The following DPF3 variants were observed in gnomAD, a reference collection of about 807,000 sequenced individuals.
DPF3 encodes the protein double PHD fingers 3, also known as zinc finger protein DPF3.
A neutral mutation model predicts 56.8 loss-of-function variants in DPF3; 18 were observed. That is an observed-to-expected ratio of 0.32 (90% CI 0.22 to 0.47). DPF3 has a LOEUF of 0.47. DPF3 is among the 20% of genes least tolerant of loss of function. The pLI is 1.00. For synonymous variants in DPF3, 188 were observed against 180.2 expected (o/e 1.04, Z -0.35); for missense variants, 403 against 488.8 (o/e 0.82, Z 1.65).
intron 6 of DPF3, among the ~76,000 whole-genome samples, chr14:72,699,152 A>G (rs1216949041): frequency 6.6e-6 from 1 of 152,212 alleles, no homozygotes; most frequent in Non-Finnish European, 1.5e-5. Context: ...AGAGGTGCCT[A>G]CACAGGATAG....
chr14:72,717,565 G>A lies in DPF3; in HGVS notation c.526-3064C>T, dbSNP rs76317424. 8.8e-4 allele frequency among the ~76,000 whole-genome samples: 134 copies of A among 152,284 alleles called. 4 individuals are homozygous for A. In the East Asian group the frequency reaches 0.024, roughly 27 times the overall value. ...TAGCATCTTCTTCCCAGTTTGATTC[G>A]AAGGTCCTTGAGGGCAAAAATGGCA... On this transcript the variant is annotated intron_variant, in intron 5 of 10. Coordinates refer to ENST00000556509, the MANE Select transcript of DPF3 (RefSeq NM_001280542.3).
At chr14:72,768,941 G>C (rs1166649909) in intron 2 of DPF3, among the ~76,000 whole-genome samples, 1 of 134,328 alleles carries the variant, frequency 7.4e-6, no homozygotes, top group Non-Finnish European at 1.6e-5. Flanking sequence ...GTCTGTGTGT[G>C]TGTGTGTGTG....
At chr14:72,727,653 G>T (rs1043805684) in intron 4 of DPF3, among the ~76,000 whole-genome samples, 1 of 151,432 alleles carries the variant, frequency 6.6e-6, no homozygotes, top group Non-Finnish European at 1.5e-5. Flanking sequence ...TGTTCTCATG[G>T]ATTTTATCCT....
intron 8 of DPF3, among the ~76,000 whole-genome samples, chr14:72,654,422 A>C (rs1886009235): frequency 6.6e-6 from 1 of 152,032 alleles, no homozygotes; most frequent in Non-Finnish European, 1.5e-5. Context: ...CACATTTTGC[A>C]CCAAGTTGGC....
chr14:72,889,503 C>A (rs777209550), intron 1 of DPF3, among the ~76,000 whole-genome samples: 5 of 152,112 alleles, frequency 3.3e-5, no homozygotes, highest in Non-Finnish European at 7.3e-5. Flanking sequence ...CACAAAGTCC[C>A]GGCCTCAATG....
chr14:72,779,213 G>A (rs532761607), intron 1 of DPF3, among the ~76,000 whole-genome samples: 7 of 152,246 alleles, frequency 4.6e-5, no homozygotes, highest in Non-Finnish European at 8.8e-5. Flanking sequence ...TGCACAGTCT[G>A]CAGAGTCTGT....
intron 2 of DPF3, among the ~76,000 whole-genome samples, chr14:72,764,484 GTTTTTTTTT>G (rs57886183): frequency 1.9e-5 from 1 of 52,770 alleles, no homozygotes; most frequent in East Asian, 6.8e-4. Context: ...TTCCTGAGTT[GTTTTTTTTT>G]TTTTTTTTTT....
At chr14:72,866,366 C>G (rs1885666096) in intron 1 of DPF3, among the ~76,000 whole-genome samples, 1 of 150,166 alleles carries the variant, frequency 6.7e-6, no homozygotes. Flanking sequence ...ACTTTTCGCC[C>G]AAGTATTTAT....
At chr14:72,791,097 C>T (rs1368270574) in intron 1 of DPF3, among the ~76,000 whole-genome samples, 1 of 152,214 alleles carries the variant, frequency 6.6e-6, no homozygotes, top group Non-Finnish European at 1.5e-5. Flanking sequence ...CCTCTTCATA[C>T]AGCTACCTCT....
chr14:72,672,494 T>C lies in DPF3; in HGVS notation c.871+1746A>G, dbSNP rs1452821534. Among the ~76,000 whole-genome samples the C allele has an allele frequency of 2.0e-5, 3 of 152,170 alleles. No individual in the cohort carries two copies. In the East Asian group the frequency reaches 5.8e-4, roughly 29 times the overall value. ...ACCTGTTTCTTCCCATGGTATCAAC[T>C]ATTTCAGGAACATTAGAGTCAGACC... On this transcript the variant is annotated intron_variant, in intron 8 of 10. Transcript: ENST00000556509.
intron 10 of DPF3, 53 bp downstream of exon 10, chr14:72,619,850 C>CTAG (rs1390648961): frequency 2.1e-6 from 3 of 1,454,660 alleles, no homozygotes; most frequent in African/African-American, 1.4e-5. Context: ...TCAGTAAGTG[C>CTAG]TAGTAGTAGT....
chr14:72,619,222 G>T lies in DPF3; in HGVS notation c.*75C>A. 7.1e-7 allele frequency: 1 copy of T among 1,415,558 alleles called. No homozygotes were observed. The highest frequency in any genetic ancestry group is 9.6e-7 in the Non-Finnish European group (1 of 1,046,114). 87.7% of individuals were successfully genotyped at this position (1,415,558 alleles called of 1,614,324 possible). Reference sequence around the variant, plus strand: ...GTTGGTCTGGCTGGATATGTGGGAGGAGGGCGCGTTCTGGTTTGAACTGGG... The same window carrying T: ...GTTGGTCTGGCTGGATATGTGGGAGTAGGGCGCGTTCTGGTTTGAACTGGG... On this transcript the variant is annotated 3_prime_UTR_variant, in exon 11 of 11. Coordinates refer to ENST00000556509, the MANE Select transcript of DPF3 (RefSeq NM_001280542.3).
chr14:72,818,189 A>T (rs1883371806), intron 1 of DPF3, among the ~76,000 whole-genome samples: 1 of 151,462 alleles, frequency 6.6e-6, no homozygotes, highest in African/African-American at 2.4e-5. Context: ...TGCAGTGAGC[A>T]GTGATCGAGC....
intron 1 of DPF3, among the ~76,000 whole-genome samples, chr14:72,875,710 A>T (rs1268245125): frequency 6.6e-6 from 1 of 152,170 alleles, no homozygotes. Flanking sequence ...CAAGGAACGA[A>T]CCCTAAGGAC....
chr14:72,886,829 G>A (rs989055920), intron 1 of DPF3, among the ~76,000 whole-genome samples: 10 of 151,952 alleles, frequency 6.6e-5, no homozygotes, highest in East Asian at 5.8e-4. Context: ...GTCACTGAAG[G>A]GGAGGCATGA....
chr14:72,852,694 T>C (rs1052255571), intron 1 of DPF3, among the ~76,000 whole-genome samples: 2 of 152,242 alleles, frequency 1.3e-5, no homozygotes, highest in Non-Finnish European at 2.9e-5. Flanking sequence ...GGTCAAACGT[T>C]ATAAAAACAG....
intron 9 of DPF3, among the ~76,000 whole-genome samples, chr14:72,622,686 T>C (rs777474346): frequency 6.6e-6 from 1 of 151,692 alleles, no homozygotes; most frequent in Non-Finnish European, 1.5e-5. Flanking sequence ...CCCCAGCTTA[T>C]GCTAACTCTC....
At chr14:72,636,027 C>A (rs1885372446) in intron 8 of DPF3, among the ~76,000 whole-genome samples, 1 of 152,138 alleles carries the variant, frequency 6.6e-6, no homozygotes, top group African/African-American at 2.4e-5. Context: ...AAGCTAATTT[C>A]TCAGGCAAAG....
intron 1 of DPF3, among the ~76,000 whole-genome samples, chr14:72,868,242 ACAT>A (rs1213714857): frequency 6.6e-6 from 1 of 152,284 alleles, no homozygotes; most frequent in Non-Finnish European, 1.5e-5. Flanking sequence ...TGGGAGTCAG[ACAT>A]CTCTCTCCTC....
Sources: gnomAD v4.1 joint callset for allele counts (sites outside exome capture counted in the v4.1 genomes callset) on GRCh38, gnomAD v4.1.1 for gene constraint, MANE v1.5 for transcripts, NCBI Gene and HGNC (gene_info 2026-07-23, HGNC 2026-07-21) for gene names.